Variants in ZFP41 observed in about 807,000 individuals in gnomAD.
ZFP41 encodes the protein ZFP41 zinc finger protein, also known as zinc finger protein 41 homolog.
ZFP41 carries 10 observed loss-of-function variants against 11.6 expected under a neutral mutation model. That is an observed-to-expected ratio of 0.86 (90% CI 0.53 to 1.47). The LOEUF is 1.47. Among genes scored for constraint, ZFP41 ranks in the 40% most tolerant of loss-of-function variants. ZFP41 has a pLI of 0.00. For missense variants in ZFP41, 302 were observed against 264.6 expected (o/e 1.14, Z -0.98); for synonymous variants, 123 against 100.9 (o/e 1.22, Z -1.31).
intron 2 of ZFP41, among the ~76,000 whole-genome samples, chr8:143,254,801 T>G (rs2130714364): frequency 6.6e-6 from 1 of 151,930 alleles, no homozygotes; most frequent in Admixed American, 6.5e-5. Context: ...CCCAGCTAAT[T>G]TTTGTATTTT....
intron 2 of ZFP41, among the ~76,000 whole-genome samples, chr8:143,254,683 A>T (rs1162554566): frequency 1.6e-5 from 2 of 128,638 alleles, no homozygotes; most frequent in African/African-American, 5.9e-5. Context: ...GCCAGGCTGG[A>T]GTGCAGTGGC....
chr8:143,250,329 G>A lies in ZFP41; in HGVS notation c.486G>A (p.Gln162=). ...FNCGSNLLKH[Q]KTHTGEKPYE... ...GCGGCTCCAATCTCCTGAAACATCA[G>A]AAGACGCACACCGGGGAGAAGCCCT... is the stretch of plus-strand genomic sequence containing the variant. The change falls in exon 2 of 3, where the codon CAG becomes CAA. Residue 162 remains glutamine (Q), a synonymous_variant. Coordinates refer to ENST00000330701, the MANE Select transcript of ZFP41 (RefSeq NM_173832.6). The A allele has an allele frequency of 3.1e-6, 5 of 1,614,018 alleles. No individual in the cohort carries two copies. The highest frequency in any genetic ancestry group is 4.2e-6 in the Non-Finnish European group (5 of 1,180,022).
In ZFP41 at chr8:143,250,446, G is replaced by T. The variant is rs750965849; in HGVS notation, c.*6G>T. ...ACCCTCGGAAGAAGCCCTGAGCCGGGGCCATCTGCGGACTCGGGCCCTGCG... is the reference window on the plus strand; with the variant it reads ...ACCCTCGGAAGAAGCCCTGAGCCGGTGCCATCTGCGGACTCGGGCCCTGCG... On this transcript the variant is annotated 3_prime_UTR_variant, in exon 2 of 3. Coordinates refer to ENST00000330701, the MANE Select transcript of ZFP41 (RefSeq NM_173832.6). 3 of 1,605,862 alleles carry T rather than the reference G, an allele frequency of 1.9e-6. No homozygotes were observed. Among genetic ancestry groups the T allele is most frequent in the Non-Finnish European group, 2.6e-6 (3 of 1,175,368 alleles).
At position 143,250,426 on chromosome 8, in the gene ZFP41, C is replaced by G; in HGVS notation, c.583C>G (p.Arg195Gly). 3 of 1,610,666 alleles carry G rather than the reference C, an allele frequency of 1.9e-6. No homozygotes were observed. Among genetic ancestry groups the G allele is most frequent in the Non-Finnish European group, 2.5e-6 (3 of 1,177,972 alleles). ...CLIRHQKRHP[R>G]KKP ...CATCCGCCATCAGAAACGCCACCCT[C>G]GGAAGAAGCCCTGAGCCGGGGCCAT... Residue 195 changes from arginine (R) to glycine (G), a missense_variant, in exon 2 of 3, where the codon CGG becomes GGG. Arg to Gly is a moderately radical substitution (Grantham distance 125, BLOSUM62 -2). Coordinates refer to ENST00000330701, the MANE Select transcript of ZFP41 (RefSeq NM_173832.6).
At chr8:143,259,486 G>A (rs1814987723) in intron 2 of ZFP41, among the ~76,000 whole-genome samples, 1 of 152,170 alleles carries the variant, frequency 6.6e-6, no homozygotes, top group Non-Finnish European at 1.5e-5. Flanking sequence ...TTACACATCT[G>A]ACACCCTCCC....
At chr8:143,251,845 A>G (rs936611659) in intron 2 of ZFP41, among the ~76,000 whole-genome samples, 1 of 152,182 alleles carries the variant, frequency 6.6e-6, no homozygotes, top group Admixed American at 6.5e-5. Flanking sequence ...GCCTTTCGGC[A>G]GGCCTCCCCT....
chr8:143,247,299 C>A (rs1056683986), intron 1 of ZFP41, 157 bp downstream of exon 1: 1 of 152,274 alleles, frequency 6.6e-6, no homozygotes, highest in African/African-American at 2.4e-5. Flanking sequence ...TAGCTCTGCA[C>A]GTGGGCCGCG....
At chr8:143,247,967 G>A (rs1358179019) in intron 1 of ZFP41, among the ~76,000 whole-genome samples, 1 of 152,078 alleles carries the variant, frequency 6.6e-6, no homozygotes, top group East Asian at 1.9e-4. Flanking sequence ...CTACAGGCAC[G>A]TGCCACCACG....
intron 2 of ZFP41, among the ~76,000 whole-genome samples, chr8:143,259,192 C>G (rs772670225): frequency 6.6e-6 from 1 of 152,202 alleles, no homozygotes; most frequent in Admixed American, 6.5e-5. Context: ...CCACGTCAAC[C>G]CCTACGTGAC....
chr8:143,255,768 C>T (rs545261769), intron 2 of ZFP41, among the ~76,000 whole-genome samples: 1 of 110,118 alleles, frequency 9.1e-6, no homozygotes. Flanking sequence ...GCTCTCCCCG[C>T]GTGCTAGAGT....
At chr8:143,257,162 A>C (rs1261801733) in intron 2 of ZFP41, among the ~76,000 whole-genome samples, 4 of 152,232 alleles carry the variant, frequency 2.6e-5, no homozygotes, top group Non-Finnish European at 5.9e-5. Context: ...AGGAGCTGGA[A>C]GTCAGGAGGG....
chr8:143,258,516 C>A (rs768577475), intron 2 of ZFP41, among the ~76,000 whole-genome samples: 1 of 152,132 alleles, frequency 6.6e-6, no homozygotes, highest in Non-Finnish European at 1.5e-5. Flanking sequence ...CTGAGCCAGA[C>A]GCTGACATGC....
At position 143,250,836 on chromosome 8, in the gene ZFP41, C is replaced by T. The variant is rs770788640; in HGVS notation, c.*396C>T. On this transcript the variant is annotated 3_prime_UTR_variant, in exon 2 of 3. Coordinates refer to ENST00000330701, the MANE Select transcript of ZFP41 (RefSeq NM_173832.6). ...TCCTGGTGTAGTGGGCAGCCCAGCA[C>T]TTCCCGCTGCTGCCTGCCTGTGATG... 6.3e-5 allele frequency: 15 copies of T among 238,452 alleles called. No homozygotes were observed. Among genetic ancestry groups the T allele is most frequent in the Non-Finnish European group, 1.2e-4 (13 of 111,506 alleles). The allele number at this position is 238,452 out of a possible 1,614,324, so 14.8% of individuals were successfully genotyped here.
intron 2 of ZFP41, among the ~76,000 whole-genome samples, chr8:143,258,231 G>T (rs1269638621): frequency 6.6e-6 from 1 of 152,208 alleles, no homozygotes; most frequent in African/African-American, 2.4e-5. Context: ...TAAGGTAGGA[G>T]GATCAGTTGA....
At chr8:143,256,810 A>T (rs1017017226) in intron 2 of ZFP41, among the ~76,000 whole-genome samples, 1 of 152,218 alleles carries the variant, frequency 6.6e-6, no homozygotes, top group Non-Finnish European at 1.5e-5. Context: ...CCAGTCTGCC[A>T]TCTTTTTTGT....
In ZFP41 at chr8:143,249,936, C is replaced by T. The variant is rs374896067; in HGVS notation, c.93C>T (p.Ser31=). 143 of 1,613,766 alleles carry T rather than the reference C, an allele frequency of 8.9e-5. No individual in the cohort carries two copies. Among genetic ancestry groups the T allele is most frequent in the South Asian group, 3.0e-4 (27 of 91,074 alleles). Residue 31 remains serine, a synonymous_variant, in exon 2 of 3, where the codon TCC becomes TCT. Transcript: ENST00000330701. ...GTGCGCTCAGAGAGGAGAAGGTGTC[C>T]GGGGACAGAAAGCCACCTGAGAGGC... is the stretch of plus-strand genomic sequence containing the variant. ...QKSALREEKV[S]GDRKPPERPT... is the part of the protein sequence containing the mutation.
At chr8:143,259,167 G>A (rs893274587) in intron 2 of ZFP41, among the ~76,000 whole-genome samples, 4 of 152,224 alleles carry the variant, frequency 2.6e-5, no homozygotes, top group African/African-American at 9.6e-5. Context: ...CAGTGGCCAC[G>A]CAGCTAGCCA....
chr8:143,248,731 A>G (rs1816739357), intron 1 of ZFP41, among the ~76,000 whole-genome samples: 1 of 151,568 alleles, frequency 6.6e-6, no homozygotes, highest in Admixed American at 6.6e-5. Context: ...TTATGCCTGC[A>G]TCCTCCCTCA....
intron 2 of ZFP41, among the ~76,000 whole-genome samples, chr8:143,257,652 C>A (rs1274380230): frequency 2.0e-5 from 3 of 152,120 alleles, no homozygotes; most frequent in Non-Finnish European, 4.4e-5. Context: ...AAAAAAGGAG[C>A]AAATCACCCA....
Sources: gnomAD v4.1 joint callset for allele counts (sites outside exome capture counted in the v4.1 genomes callset) on GRCh38, gnomAD v4.1.1 for gene constraint, MANE v1.5 for transcripts, NCBI Gene and HGNC (gene_info 2026-07-23, HGNC 2026-07-21) for gene names.